PPM1B: variants seen among roughly 807,000 people sequenced by gnomAD.
PPM1B encodes the protein protein phosphatase, Mg2+/Mn2+ dependent 1B, also known as protein phosphatase 1B.
A neutral mutation model predicts 43.0 loss-of-function variants in PPM1B; 22 were observed. The observed-to-expected ratio is 0.51, with a 90% CI of 0.37 to 0.73. The LOEUF is 0.73. Ranked by LOEUF, PPM1B falls within the 30% of genes least tolerant of loss-of-function variation. PPM1B has a pLI of 0.00. For synonymous variants in PPM1B, 217 were observed against 197.9 expected, an observed-to-expected ratio of 1.10 and a Z score of -0.81; for missense variants, 632 against 584.2, an observed-to-expected ratio of 1.08 and a Z score of -0.84.
intron 1 of PPM1B, among the ~76,000 whole-genome samples, chr2:44,192,695 A>G (rs544637162): frequency 8.5e-5 from 13 of 152,254 alleles, no homozygotes; most frequent in South Asian, 8.3e-4. Flanking sequence ...ACAACTTTCT[A>G]TCCTTTGACC....
At chr2:44,234,533 GAAAA>G (rs772697352), downstream of PPM1B, 6 of 767,456 alleles carry the variant, frequency 7.8e-6, no homozygotes, top group African/African-American at 6.4e-5. Flanking sequence ...AAAAAAAAAA[GAAAA>G]AAAAAAACTT....
chr2:44,182,195 A>T (rs1667907095), intron 1 of PPM1B, among the ~76,000 whole-genome samples: 1 of 152,178 alleles, frequency 6.6e-6, no homozygotes, highest in Non-Finnish European at 1.5e-5. Context: ...CGTGAGAAAC[A>T]TTCTCTATGG....
chr2:44,219,099 C>T (rs986050309), intron 5 of PPM1B: 5 of 169,966 alleles, frequency 2.9e-5, no homozygotes, highest in African/African-American at 1.2e-4. Flanking sequence ...ATGCCCTTAC[C>T]TTTTATTTTG....
intron 1 of PPM1B, among the ~76,000 whole-genome samples, chr2:44,190,365 G>T (rs929472716): frequency 6.6e-6 from 1 of 151,950 alleles, no homozygotes; most frequent in Admixed American, 6.6e-5. Context: ...CACCATGTTG[G>T]CCAGGCTGGT....
At chr2:44,209,562 A>G (rs1049484323) in intron 3 of PPM1B, 26 of 382,294 alleles carry the variant, frequency 6.8e-5, no homozygotes, top group Non-Finnish European at 5.3e-5. Context: ...CGGGCAGATC[A>G]TGAGGTCAGA....
chr2:44,194,581 G>C (rs1405227513), intron 1 of PPM1B, among the ~76,000 whole-genome samples: 1 of 152,084 alleles, frequency 6.6e-6, no homozygotes, highest in Non-Finnish European at 1.5e-5. Flanking sequence ...AAATTAGCCA[G>C]GCGTGGTGGC....
At chr2:44,232,811 AAT>A (rs1395340071), downstream of PPM1B, 5 of 981,964 alleles carry the variant, frequency 5.1e-6, no homozygotes, top group African/African-American at 8.7e-5. Flanking sequence ...TGTGGCTTGG[AAT>A]TTCATTTGAG....
intron 5 of PPM1B, among the ~76,000 whole-genome samples, chr2:44,241,857 C>CTTTTTTT (rs397984437): frequency 0.085 from 7,699 of 90,708 alleles, 2,128 homozygotes; most frequent in African/African-American, 0.15. Flanking sequence ...AGAAAATAAT[C>CTTTTTTT]TTTTTTTTTT....
rs1453033692 is a variant in PPM1B, at chr2:44,178,497, C to T, written c.-15+9223C>T. Among the ~76,000 whole-genome samples, 12 of 143,858 alleles carry T rather than the reference C, an allele frequency of 8.3e-5. No homozygotes were observed. The South Asian group carries it at 1.1e-3, about 13-fold the overall frequency. 94.4% of individuals were successfully genotyped at this position (143,858 alleles called of 152,430 possible). ...ATATTTTTTTTTTTAGACAGAGTTT[C>T]GCTCTTGTCACCCAGGCTGGAGTGC... On this transcript the variant is annotated intron_variant, in intron 1 of 5. Coordinates refer to ENST00000282412, the MANE Select transcript of PPM1B (RefSeq NM_002706.6).
At chr2:44,216,316 A>G (rs1669716655) in intron 3 of PPM1B, among the ~76,000 whole-genome samples, 1 of 152,186 alleles carries the variant, frequency 6.6e-6, no homozygotes, top group Non-Finnish European at 1.5e-5. Context: ...AATGGAGGCC[A>G]GGGATGCTGC....
At chr2:44,211,097 C>T (rs1264022183) in intron 3 of PPM1B, among the ~76,000 whole-genome samples, 1 of 152,086 alleles carries the variant, frequency 6.6e-6, no homozygotes. Flanking sequence ...GATCATGCCA[C>T]TGTACTCTAG....
downstream of PPM1B, chr2:44,233,345 A>C: frequency 2.0e-6 from 2 of 983,376 alleles, no homozygotes; most frequent in South Asian, 4.7e-5. Flanking sequence ...TTTTCATTTT[A>C]TAACATTGGG....
chr2:44,238,298 T>C (rs953086694), downstream of PPM1B, among the ~76,000 whole-genome samples: 3 of 152,184 alleles, frequency 2.0e-5, no homozygotes, highest in Non-Finnish European at 2.9e-5. Flanking sequence ...GAATAATAAT[T>C]ATATAGTATA....
At chr2:44,179,027 C>T (rs1240861815) in intron 1 of PPM1B, among the ~76,000 whole-genome samples, 1 of 152,162 alleles carries the variant, frequency 6.6e-6, no homozygotes, top group Admixed American at 6.5e-5. Context: ...CCCAGGTGTT[C>T]TGAGAGGGAC....
chr2:44,215,787 T>C (rs1669692804), intron 3 of PPM1B, among the ~76,000 whole-genome samples: 1 of 152,212 alleles, frequency 6.6e-6, no homozygotes, highest in African/African-American at 2.4e-5. Flanking sequence ...ATTTGTATTC[T>C]AGTAAAAACC....
chr2:44,191,668 T>A (rs1192960241), intron 1 of PPM1B, among the ~76,000 whole-genome samples: 2 of 152,206 alleles, frequency 1.3e-5, no homozygotes, highest in South Asian at 4.1e-4. Context: ...CATTATTGTA[T>A]GCTTCTGCTT....
chr2:44,209,665 T>C (rs1669364223), intron 3 of PPM1B, among the ~76,000 whole-genome samples: 2 of 151,660 alleles, frequency 1.3e-5, no homozygotes, highest in African/African-American at 4.9e-5. Context: ...TAGTCCCAGC[T>C]ACTCGGGAGG....
At chr2:44,220,116 A>T (rs958202177) in intron 5 of PPM1B, among the ~76,000 whole-genome samples, 1 of 152,110 alleles carries the variant, frequency 6.6e-6, no homozygotes, top group Non-Finnish European at 1.5e-5. Flanking sequence ...CTTCAGCTAG[A>T]TTATAGATTC....
chr2:44,215,312 A>T (rs1407019591), intron 3 of PPM1B, among the ~76,000 whole-genome samples: 2 of 152,220 alleles, frequency 1.3e-5, no homozygotes, highest in Non-Finnish European at 2.9e-5. Flanking sequence ...TTTAAAGATT[A>T]GCTGAGCATG....
Sources: allele counts gnomAD v4.1 joint callset (sites outside exome capture counted in the v4.1 genomes callset), GRCh38; gene constraint gnomAD v4.1.1; transcripts MANE v1.5; gene names NCBI Gene and HGNC (gene_info 2026-07-23, HGNC 2026-07-21).